The following AIG1 variants were observed in gnomAD, a reference collection of about 807,000 sequenced individuals.
AIG1 encodes the protein androgen induced 1.
AIG1 carries 23 observed loss-of-function variants against 31.4 expected under a neutral mutation model. The observed-to-expected ratio is 0.73, with a 90% CI of 0.53 to 1.04. AIG1 has a LOEUF of 1.04. Ranked by LOEUF, AIG1 falls within the 50% of genes least tolerant of loss-of-function variation. AIG1 has a pLI of 0.00. For missense variants in AIG1, 274 were observed against 295.0 expected, an observed-to-expected ratio of 0.93 and a Z score of 0.52; for synonymous variants, 100 against 110.5, an observed-to-expected ratio of 0.90 and a Z score of 0.60.
At chr6:143,236,120 A>G (rs1793785527) in intron 3 of AIG1, among the ~76,000 whole-genome samples, 1 of 152,168 alleles carries the variant, frequency 6.6e-6, no homozygotes, top group South Asian at 2.1e-4. Flanking sequence ...GTGAGGTTTT[A>G]TTTGACCAGG....
At chr6:143,314,623 A>G (rs934428465) in intron 4 of AIG1, among the ~76,000 whole-genome samples, 2 of 152,190 alleles carry the variant, frequency 1.3e-5, no homozygotes, top group Non-Finnish European at 2.9e-5. Flanking sequence ...CACAGGATCT[A>G]TATGCAATAA....
chr6:143,071,576 A>C (rs1777261290), intron 1 of AIG1, among the ~76,000 whole-genome samples: 1 of 152,184 alleles, frequency 6.6e-6, no homozygotes, highest in African/African-American at 2.4e-5. Context: ...GATAAAATTT[A>C]GCCCCATTCT....
Position 143,338,111 on chromosome 6 carries a change from A to C in AIG1, c.680-1528A>C, listed in dbSNP as rs188266858. 38 of 398,538 alleles carry C rather than the reference A, an allele frequency of 9.5e-5. No homozygotes were observed. In the East Asian group the frequency reaches 1.3e-3, roughly 13 times the overall value. 24.7% of individuals were successfully genotyped at this position (398,538 alleles called of 1,614,324 possible). A position where few individuals can be genotyped will look rare whatever the true frequency, so the allele number is the denominator to read the frequency against. On this transcript the variant is annotated intron_variant, in intron 5 of 5. Coordinates refer to ENST00000357847, the MANE Select transcript of AIG1 (RefSeq NM_016108.4). The surrounding 1 kb of genome is among the most constrained non-coding windows in gnomAD (Gnocchi z 4.3). Reference sequence around the variant, plus strand: ...CATCTGCAGGAGAACGCTTTGGAAAAAACAGACTTTAAAAAGAAAAGCAAA... The same window carrying C: ...CATCTGCAGGAGAACGCTTTGGAAACAACAGACTTTAAAAAGAAAAGCAAA...
chr6:143,127,049 T>C (rs930883241), intron 1 of AIG1, among the ~76,000 whole-genome samples: 21 of 152,210 alleles, frequency 1.4e-4, no homozygotes, highest in African/African-American at 5.1e-4. Flanking sequence ...GTGACTTTTA[T>C]AGAGAGATTT....
intron 3 of AIG1, among the ~76,000 whole-genome samples, chr6:143,220,092 G>A (rs947707971): frequency 6.6e-6 from 1 of 151,868 alleles, no homozygotes; most frequent in Admixed American, 6.6e-5. Flanking sequence ...CTAGCTTAGG[G>A]GGCAGGGGGC....
intron 4 of AIG1, among the ~76,000 whole-genome samples, chr6:143,307,205 A>G (rs911589089): frequency 2.4e-4 from 36 of 152,340 alleles, no homozygotes; most frequent in African/African-American, 6.0e-4. Flanking sequence ...TCAGCTCGTC[A>G]AAGTCATTCT....
intron 1 of AIG1, among the ~76,000 whole-genome samples, chr6:143,065,759 A>G (rs899832822): frequency 1.3e-5 from 2 of 152,256 alleles, no homozygotes; most frequent in African/African-American, 4.8e-5. Context: ...CAACCAGAAC[A>G]TTATTCATAT....
chr6:143,117,811 T>C (rs1004057574), intron 1 of AIG1, among the ~76,000 whole-genome samples: 1 of 152,192 alleles, frequency 6.6e-6, no homozygotes, highest in Admixed American at 6.5e-5. Context: ...ATAACTATTA[T>C]GCACTTCTGG....
rs1562332334 is a variant in AIG1 at position 143,060,992 on chromosome 6, A to T, written c.67A>T (p.Asn23Tyr). ...GCTGTCTTACTGCTCTATCCTGTGT[A>T]ACTACAAGGCCATCGAAATGCCCTC... ...ILLSYCSILC[N>Y]YKAIEMPSHQ... Residue 23 changes from asparagine (N) to tyrosine (Y), a missense_variant, in exon 1 of 6, where the codon AAC becomes TAC. Asn to Tyr is a moderately radical substitution (Grantham distance 143). Transcript: ENST00000357847. The T allele has an allele frequency of 9.3e-6, 15 of 1,613,156 alleles. No homozygotes were observed. Among genetic ancestry groups the T allele is most frequent in the Non-Finnish European group, 1.3e-5 (15 of 1,179,740 alleles).
At chr6:143,301,641 G>C (rs887161131) in intron 4 of AIG1, among the ~76,000 whole-genome samples, 1 of 152,124 alleles carries the variant, frequency 6.6e-6, no homozygotes, top group Non-Finnish European at 1.5e-5. Flanking sequence ...GTGTGGAGAA[G>C]GCCCTTTATA....
At chr6:143,089,167 C>T (rs1196677119) in intron 1 of AIG1, among the ~76,000 whole-genome samples, 1 of 151,436 alleles carries the variant, frequency 6.6e-6, no homozygotes, top group Non-Finnish European at 1.5e-5. Context: ...CAAGATCATG[C>T]CATTGCACTC....
intron 1 of AIG1, among the ~76,000 whole-genome samples, chr6:143,101,167 G>A (rs1278473924): frequency 2.0e-5 from 3 of 151,842 alleles, no homozygotes; most frequent in African/African-American, 7.3e-5. Flanking sequence ...GGCTTTCATT[G>A]TTGAAGAGTC....
chr6:143,313,352 C>A (rs1775464457), intron 4 of AIG1, among the ~76,000 whole-genome samples: 1 of 152,040 alleles, frequency 6.6e-6, no homozygotes, highest in Non-Finnish European at 1.5e-5. Context: ...TACATATACA[C>A]AATGGAGTAC....
chr6:143,311,983 A>G (rs1775318830), intron 4 of AIG1, among the ~76,000 whole-genome samples: 1 of 151,970 alleles, frequency 6.6e-6, no homozygotes, highest in South Asian at 2.1e-4. Context: ...AAATTAAATA[A>G]CTAGTAATCA....
chr6:143,222,663 A>C (rs757635112), intron 3 of AIG1, among the ~76,000 whole-genome samples: 2 of 151,470 alleles, frequency 1.3e-5, no homozygotes, highest in Non-Finnish European at 2.9e-5. Context: ...TACTCATATG[A>C]AATCCTATTG....
At chr6:143,098,765 A>C (rs929794085) in intron 1 of AIG1, among the ~76,000 whole-genome samples, 3 of 152,166 alleles carry the variant, frequency 2.0e-5, no homozygotes, top group African/African-American at 7.2e-5. Flanking sequence ...TGTGTTGTAC[A>C]ACTCCGGGGT....
chr6:143,113,526 T>A (rs1434383289), intron 1 of AIG1, among the ~76,000 whole-genome samples: 1 of 148,022 alleles, frequency 6.8e-6, no homozygotes, highest in East Asian at 2.1e-4. Flanking sequence ...TCGCTTGAAC[T>A]CAGGAGGCGG....
chr6:143,171,274 A>G (rs1218134225), intron 3 of AIG1, among the ~76,000 whole-genome samples: 1 of 150,412 alleles, frequency 6.6e-6, no homozygotes, highest in African/African-American at 2.4e-5. Flanking sequence ...CCCACTCATG[A>G]TTGAGAACAT....
chr6:143,332,478 A>C (rs1777156761), intron 4 of AIG1, among the ~76,000 whole-genome samples: 1 of 152,228 alleles, frequency 6.6e-6, no homozygotes, highest in South Asian at 2.1e-4. Context: ...GAACACAAAG[A>C]GAATGATTAA....
Sources: gnomAD v4.1 joint callset for allele counts (sites outside exome capture counted in the v4.1 genomes callset) on GRCh38, gnomAD v4.1.1 for gene constraint, Gnocchi (gnomAD v3.1) non-coding constraint, MANE v1.5 for transcripts, NCBI Gene and HGNC (gene_info 2026-07-23, HGNC 2026-07-21) for gene names.